The following CDKL5 variants were observed in gnomAD, a reference collection of about 807,000 sequenced individuals.
CDKL5 encodes cyclin dependent kinase like 5, also known as cyclin-dependent kinase-like 5.
Under a neutral mutation model 61.7 loss-of-function variants are expected in CDKL5, and 8 were observed. The ratio of observed to expected loss-of-function variants is 0.13; its 90% CI spans 0.08 to 0.23. The LOEUF (loss-of-function observed/expected upper bound fraction) is 0.23, where lower values mean the gene tolerates loss of function less well. Among genes scored for constraint, CDKL5 ranks in the 10% least tolerant of loss-of-function variants. CDKL5 has a pLI of 1.00. For missense variants in CDKL5, 440 were observed against 734.5 expected (o/e 0.60, Z 4.63); for synonymous variants, 275 against 272.3 (o/e 1.01, Z -0.10).
chrX:18,531,661 T>G (rs771604239), intron 3 of CDKL5, among the ~76,000 whole-genome samples: 2,322 of 111,726 alleles, frequency 0.021, 51 homozygotes, highest in African/African-American at 0.06. Context: ...ATCCAAGAAA[T>G]TTGCTGATTT....
At chrX:18,613,409 G>T (rs982478014) in intron 15 of CDKL5, 134 bp downstream of exon 15, 87 of 556,033 alleles carry the variant, frequency 1.6e-4, no homozygotes, top group Non-Finnish European at 2.2e-4. Flanking sequence ...TATTGAATAA[G>T]GAAAATGTGA....
chrX:18,567,926 G>T (rs1925023422), intron 4 of CDKL5, among the ~76,000 whole-genome samples: 1 of 111,627 alleles, frequency 9.0e-6, no homozygotes, highest in African/African-American at 3.3e-5. Context: ...ACACATCATA[G>T]CTTTAGCCTA....
intron 11 of CDKL5, among the ~76,000 whole-genome samples, chrX:18,603,662 GC>G (rs1008813614): frequency 1.8e-5 from 2 of 112,285 alleles, no homozygotes; most frequent in African/African-American, 6.5e-5. Context: ...CAGCAAGTTA[GC>G]TGAGCATTTA....
chrX:18,511,949 C>G (rs1364445137), intron 3 of CDKL5, among the ~76,000 whole-genome samples: 2 of 111,793 alleles, frequency 1.8e-5, no homozygotes, highest in Non-Finnish European at 3.8e-5. Context: ...TGGATATGAG[C>G]TAGAACTTGG....
chrX:18,540,721 C>T (rs1450572520), intron 3 of CDKL5, among the ~76,000 whole-genome samples: 1 of 107,530 alleles, frequency 9.3e-6, no homozygotes, highest in Non-Finnish European at 1.9e-5. Context: ...CAGAGTCTTA[C>T]TCTGCCTCCA....
chrX:18,456,337 C>T (rs1436249056), intron 1 of CDKL5, among the ~76,000 whole-genome samples: 1 of 111,387 alleles, frequency 9.0e-6, no homozygotes, highest in African/African-American at 3.3e-5. Flanking sequence ...CGCGCCCGCC[C>T]GTCACAACCC....
chrX:18,625,159 C>G lies in CDKL5; in HGVS notation c.2408C>G (p.Thr803Arg). 8.3e-7 allele frequency: 1 copy of G among 1,206,745 alleles called. No individual in the cohort carries two copies. The highest frequency in any genetic ancestry group is 1.1e-6 in the Non-Finnish European group (1 of 892,397). Residue 803 changes from threonine to arginine, a missense_variant, in exon 17 of 18, where the codon ACG becomes AGG. Coordinates refer to ENST00000623535, the MANE Select transcript of CDKL5 (RefSeq NM_001323289.2). The stretch of plus-strand genomic sequence containing the variant: ...AATTCCGACAGCCCTGATCTTCTGA[C>G]GTTGCAGAAATCCATTCATTCTGCT... ...VPNSDSPDLL[T>R]LQKSIHSAST...
Position 18,496,976 on chromosome X carries a change from G to C in CDKL5, c.-162-9959G>C, listed in dbSNP as rs560303343. Reference sequence around the variant, plus strand: ...GGCCAAGAAGGAGTTTGTTCAGTCAGCTGGGGGGTTTAGGATTTTTTTTTT... The same window carrying C: ...GGCCAAGAAGGAGTTTGTTCAGTCACCTGGGGGGTTTAGGATTTTTTTTTT... On this transcript the variant is annotated intron_variant, in intron 1 of 17. Transcript: ENST00000623535. 3.2e-4 allele frequency among the ~76,000 whole-genome samples: 35 copies of C among 109,574 alleles called. No homozygotes were observed. In the South Asian group the frequency reaches 0.014, roughly 42 times the overall value.
chrX:18,649,569 T>C (rs73456524), intron 20 of CDKL5, among the ~76,000 whole-genome samples: 7,669 of 111,345 alleles, frequency 0.069, 627 homozygotes, highest in African/African-American at 0.23. Flanking sequence ...ATAGGCCTGA[T>C]CTCACTAGTA....
chrX:18,428,998 AT>A (rs200970096), intron 1 of CDKL5, among the ~76,000 whole-genome samples: 1 of 110,061 alleles, frequency 9.1e-6, no homozygotes, highest in Admixed American at 9.8e-5. Context: ...CGTTTTTAGA[AT>A]TTTTTTTTAT....
intron 16 of CDKL5, among the ~76,000 whole-genome samples, chrX:18,620,568 C>T (rs1006500333): frequency 1.8e-5 from 2 of 110,981 alleles, no homozygotes; most frequent in East Asian, 2.8e-4. Context: ...TCCATGGGAC[C>T]GTTCACATCA....
At chrX:18,493,654 T>A (rs1285813091) in intron 1 of CDKL5, among the ~76,000 whole-genome samples, 1 of 111,986 alleles carries the variant, frequency 8.9e-6, no homozygotes, top group Non-Finnish European at 1.9e-5. Context: ...TCCTTTTTCA[T>A]GTGAAGTTTA....
intron 6 of CDKL5, among the ~76,000 whole-genome samples, chrX:18,580,249 T>A (rs1925435971): frequency 8.9e-6 from 1 of 112,026 alleles, no homozygotes; most frequent in Non-Finnish European, 1.9e-5. Flanking sequence ...CCTAGTGATA[T>A]AAGAGAACTC....
At chrX:18,578,954 C>A (rs2040685716) in intron 5 of CDKL5, among the ~76,000 whole-genome samples, 1 of 112,132 alleles carries the variant, frequency 8.9e-6, no homozygotes, top group African/African-American at 3.2e-5. Context: ...GAGGTGCCAG[C>A]AGTTTACCCA....
At chrX:18,529,128 C>G (rs933023671) in intron 3 of CDKL5, among the ~76,000 whole-genome samples, 2 of 104,007 alleles carry the variant, frequency 1.9e-5, no homozygotes, top group East Asian at 5.9e-4. Flanking sequence ...TTTAACTGAC[C>G]GTTTTACAGG....
chrX:18,528,697 A>T (rs1045810349), intron 3 of CDKL5, among the ~76,000 whole-genome samples: 1 of 111,191 alleles, frequency 9.0e-6, no homozygotes, highest in Non-Finnish European at 1.9e-5. Context: ...ACAGTGGCAC[A>T]ATCATGGTTC....
chrX:18,643,878 TGAA>T (rs1399925147), downstream of CDKL5, among the ~76,000 whole-genome samples: 1 of 110,999 alleles, frequency 9.0e-6, no homozygotes, highest in African/African-American at 3.3e-5. Context: ...TAGTCAATGG[TGAA>T]GAAGACTTCT....
chrX:18,490,451 G>A (rs1368763309), intron 1 of CDKL5, among the ~76,000 whole-genome samples: 5 of 109,040 alleles, frequency 4.6e-5, no homozygotes, highest in African/African-American at 6.7e-5. Flanking sequence ...AAGATACCAC[G>A]CATTTGCTGT....
At chrX:18,508,669 A>G (rs1413162369) in intron 2 of CDKL5, among the ~76,000 whole-genome samples, 1 of 109,551 alleles carries the variant, frequency 9.1e-6, no homozygotes, top group African/African-American at 3.3e-5. Context: ...TTGGCTCAAA[A>G]TTACCAGACT....
Sources: gnomAD v4.1 joint callset for allele counts (sites outside exome capture counted in the v4.1 genomes callset) on GRCh38, gnomAD v4.1.1 for gene constraint, MANE v1.5 for transcripts, NCBI Gene and HGNC (gene_info 2026-07-23, HGNC 2026-07-21) for gene names.